The following ZNF782 variants were observed in gnomAD, a reference collection of about 807,000 sequenced individuals.
ZNF782 encodes the protein zinc finger protein 782.
In ZNF782, 12 loss-of-function variants were observed where a neutral mutation model predicts 13.0. The ratio of observed to expected loss-of-function variants is 0.92; its 90% CI spans 0.59 to 1.50. The LOEUF is 1.50. Ranked by LOEUF, ZNF782 falls within the 40% of genes most tolerant of loss-of-function variation. The probability of loss-of-function intolerance (pLI) is 0.00; values close to 1 mark genes in which losing one functional copy is unlikely to be tolerated. For missense variants in ZNF782, 770 were observed against 822.9 expected (o/e 0.94, Z 0.79); for synonymous variants, 284 against 283.0 (o/e 1.00, Z -0.04).
chr9:96,860,834 T>C (rs1476890837), intron 2 of ZNF782, among the ~76,000 whole-genome samples: 2 of 152,190 alleles, frequency 1.3e-5, no homozygotes, highest in African/African-American at 4.8e-5. Flanking sequence ...GAACATACAA[T>C]GGGGAAATGA....
At chr9:96,880,445 A>G (rs1851948573), upstream of ZNF782, among the ~76,000 whole-genome samples, 1 of 152,122 alleles carries the variant, frequency 6.6e-6, no homozygotes, top group South Asian at 2.1e-4. Context: ...TTTTAGGTTG[A>G]GAAAGTTTTC....
At chr9:96,827,521 T>TA (rs571094959) in intron 4 of ZNF782, among the ~76,000 whole-genome samples, 73 of 152,016 alleles carry the variant, frequency 4.8e-4, no homozygotes, top group Non-Finnish European at 8.4e-4. Flanking sequence ...TTTGTAAAGA[T>TA]AGAGTCGAAT....
rs1221755873 is a variant in ZNF782, at chr9:96,816,435, A to T, written c.*1488T>A. 1 of 152,220 alleles carries T rather than the reference A, an allele frequency of 6.6e-6. No individual in the cohort carries two copies. Among genetic ancestry groups the T allele is most frequent in the East Asian group, 1.9e-4 (1 of 5,198 alleles). The allele number at this position is 152,220 out of a possible 1,614,324, so 9.4% of individuals were successfully genotyped here. ...TGCATATATACATACATAAACAATC[A>T]ATAACTCACAAAACATTCACATATT... is the stretch of plus-strand genomic sequence containing the variant. On this transcript the variant is annotated 3_prime_UTR_variant, in exon 6 of 6. Coordinates refer to ENST00000481138, the MANE Select transcript of ZNF782 (RefSeq NM_001001662.3).
rs1412442208 is a variant in ZNF782, at chr9:96,854,151, C to T, written c.-325G>A. 6.6e-6 allele frequency: 1 copy of T among 152,184 alleles called. No homozygotes were observed. Among genetic ancestry groups the T allele is most frequent in the East Asian group, 1.9e-4 (1 of 5,164 alleles). 9.4% of individuals were successfully genotyped at this position (152,184 alleles called of 1,614,324 possible). On this transcript the variant is annotated 5_prime_UTR_variant, in exon 1 of 6. Transcript: ENST00000481138. ...AGACCCACCGTCCGGGGATTTCGGGCACGTTGTCGCCCGCGTTACAAATGC... is the reference window on the plus strand; with the variant it reads ...AGACCCACCGTCCGGGGATTTCGGGTACGTTGTCGCCCGCGTTACAAATGC...
chr9:96,841,141 T>C (rs191295423), intron 4 of ZNF782, among the ~76,000 whole-genome samples: 3 of 152,076 alleles, frequency 2.0e-5, no homozygotes, highest in Middle Eastern at 3.4e-3. Flanking sequence ...CACATATGAA[T>C]GTGACAACTG....
At chr9:96,894,716 G>A in the ZNF782 span, 1 of 152,072 alleles carries the variant, frequency 6.6e-6, no homozygotes, top group Admixed American at 6.6e-5. Context: ...AAGAGGACAT[G>A]CTTTCTTTTT....
At chr9:96,906,636 G>A in the ZNF782 span, among the ~76,000 whole-genome samples, 17 of 152,184 alleles carry the variant, frequency 1.1e-4, no homozygotes, top group Non-Finnish European at 2.2e-4. Context: ...AAATAGACGT[G>A]GAGCTTTTAT....
rs117778945 is a variant in ZNF782, at chr9:96,845,586, C to G, written c.16-570G>C. Among the ~76,000 whole-genome samples, 725 of 152,310 alleles carry G rather than the reference C, an allele frequency of 4.8e-3. 8 individuals are homozygous for G. Among genetic ancestry groups the G allele is most frequent in the East Asian group, 0.032 (164 of 5,190 alleles). ...AGTGAATCTTTACAAGAATGAAAAT[C>G]TGTTCATTATTATCTCGTGCAGCTG... is the stretch of plus-strand genomic sequence containing the variant. On this transcript the variant is annotated intron_variant, in intron 3 of 5. Transcript: ENST00000481138.
chr9:96,897,433 T>G, the ZNF782 span, among the ~76,000 whole-genome samples: 2 of 152,162 alleles, frequency 1.3e-5, no homozygotes, highest in African/African-American at 4.8e-5. Context: ...GGTGCTCAGA[T>G]GGAGAATCAG....
the ZNF782 span, among the ~76,000 whole-genome samples, chr9:96,927,693 G>A: frequency 2.0e-5 from 3 of 152,080 alleles, no homozygotes; most frequent in African/African-American, 7.2e-5. Context: ...TTTTGTAAAA[G>A]TGTACTGTAA....
intron 4 of ZNF782, among the ~76,000 whole-genome samples, chr9:96,834,735 G>A (rs1427159186): frequency 2.0e-5 from 3 of 152,192 alleles, no homozygotes; most frequent in East Asian, 1.9e-4. Flanking sequence ...GTTATGTTAC[G>A]GCAACACAAA....
At chr9:96,877,660 C>A (rs969292857), upstream of ZNF782, among the ~76,000 whole-genome samples, 1 of 152,160 alleles carries the variant, frequency 6.6e-6, no homozygotes, top group African/African-American at 2.4e-5. Context: ...CCTTGCGGTC[C>A]GCGGTCTTGA....
At chr9:96,914,426 T>C in the ZNF782 span, among the ~76,000 whole-genome samples, 2 of 152,042 alleles carry the variant, frequency 1.3e-5, no homozygotes, top group Middle Eastern at 3.4e-3. Flanking sequence ...GGCCCACTTA[T>C]GTTATTATAA....
upstream of ZNF782, among the ~76,000 whole-genome samples, chr9:96,876,308 T>C (rs1851892114): frequency 6.6e-6 from 1 of 152,216 alleles, no homozygotes; most frequent in African/African-American, 2.4e-5. Context: ...ATTGAAAGGA[T>C]AGTTAATTCA....
Position 96,818,372 on chromosome 9 carries a change from C to T in ZNF782, c.1651G>A (p.Gly551Arg), listed in dbSNP as rs1208041104. Reference sequence around the variant, plus strand: ...TCCCCTGTGTGAATTCTATGATGTCCTCTGAGTTGTGATTTCTGACCGAAA... The same window carrying T: ...TCCCCTGTGTGAATTCTATGATGTCTTCTGAGTTGTGATTTCTGACCGAAA... The part of the protein sequence containing the change: ...KAFGQKSQLR[G>R]HHRIHTGEKP... Residue 551 changes from glycine to arginine, a missense_variant, in exon 6 of 6, where the codon GGA becomes AGA. Physicochemically the swap from Gly to Arg is moderately radical, Grantham distance 125. Transcript: ENST00000481138. The T allele has an allele frequency of 1.2e-6, 2 of 1,613,260 alleles. No homozygotes were observed. Among genetic ancestry groups the T allele is most frequent in the African/African-American group, 1.3e-5 (1 of 74,640 alleles).
In ZNF782 at chr9:96,827,130, T is replaced by A; in HGVS notation, c.194A>T (p.Asp65Val). ...ELIFTLEQGE[D>V]PWLLEKEKGF... ...TTTCTCTTTCTCTAATAACCATGGA[T>A]CTTCTCCTTGTTCCAATGTGAAGAT... Residue 65 changes from aspartate to valine, a missense_variant, in exon 5 of 6, where the codon GAT (aspartate) becomes GTT (valine). Transcript: ENST00000481138. 1 of 1,612,830 alleles carries A rather than the reference T, an allele frequency of 6.2e-7. No homozygotes were observed. Among genetic ancestry groups the A allele is most frequent in the East Asian group, 2.2e-5 (1 of 44,852 alleles).
chr9:96,827,162 TG>T lies in ZNF782; in HGVS notation c.161del (p.Pro54GlnfsTer3). On this transcript the variant is annotated frameshift_variant, in exon 5 of 6. Coordinates refer to ENST00000481138, the MANE Select transcript of ZNF782 (RefSeq NM_001001662.3). LOFTEE classifies it high-confidence loss of function. ...CTTGTTCCAATGTGAAGATCAGTTC[TG>T]GTTTTGTAAAGCAGTAGCCTATAAA... The part of the protein sequence containing the change: ...LVSVGYCFTK[P>X]ELIFTLEQGE... 6.2e-7 allele frequency: 1 copy of T among 1,611,534 alleles called. No individual in the cohort carries two copies. The highest frequency in any genetic ancestry group is 8.5e-7 in the Non-Finnish European group (1 of 1,178,928).
the ZNF782 span, among the ~76,000 whole-genome samples, chr9:96,909,616 C>G: frequency 6.6e-6 from 1 of 151,570 alleles, no homozygotes; most frequent in South Asian, 2.1e-4. Flanking sequence ...CTGTTAGAAA[C>G]TTTATTAGGA....
intron 1 of ZNF782, among the ~76,000 whole-genome samples, chr9:96,862,010 C>T (rs1164235097): frequency 3.3e-5 from 5 of 152,124 alleles, no homozygotes; most frequent in Admixed American, 2.6e-4. Context: ...GGAAGCATCC[C>T]GAGTGTCCAT....
Sources: gnomAD v4.1 joint callset for allele counts (sites outside exome capture counted in the v4.1 genomes callset) on GRCh38, gnomAD v4.1.1 for gene constraint, MANE v1.5 for transcripts, NCBI Gene and HGNC (gene_info 2026-07-23, HGNC 2026-07-21) for gene names.